The following SORCS2 variants were observed in gnomAD, a reference collection of about 807,000 sequenced individuals.
The protein encoded by SORCS2 is sortilin related VPS10 domain containing receptor 2.
Under a neutral mutation model 141.6 loss-of-function variants are expected in SORCS2, and 100 were observed. The ratio of observed to expected loss-of-function variants is 0.71; its 90% CI spans 0.60 to 0.83. SORCS2 has a LOEUF of 0.83. Ranked by LOEUF, SORCS2 falls within the 40% of genes least tolerant of loss-of-function variation. The pLI is 0.00. For synonymous variants in SORCS2, 789 were observed against 676.9 expected, an observed-to-expected ratio of 1.17 and a Z score of -2.57; for missense variants, 1,646 against 1,560.2, an observed-to-expected ratio of 1.05 and a Z score of -0.93.
At chr4:7,359,567 C>G (rs975886713) in intron 1 of SORCS2, among the ~76,000 whole-genome samples, 3 of 152,350 alleles carry the variant, frequency 2.0e-5, no homozygotes, top group African/African-American at 7.2e-5. Context: ...TGTCTGCACC[C>G]CGCATCCAGA....
At chr4:7,477,369 TGGCTGACC>T (rs1730365529) in intron 2 of SORCS2, among the ~76,000 whole-genome samples, 6 of 135,126 alleles carry the variant, frequency 4.4e-5, no homozygotes, top group African/African-American at 1.3e-4. Flanking sequence ...GGGCTGACCG[TGGCTGACC>T]GTGGCTGATT....
intron 2 of SORCS2, among the ~76,000 whole-genome samples, chr4:7,506,227 C>A (rs1478055641): frequency 6.9e-6 from 1 of 145,820 alleles, no homozygotes; most frequent in Non-Finnish European, 1.5e-5. Context: ...TCTGAGCGGG[C>A]CTCCTCTGCC....
intron 3 of SORCS2, among the ~76,000 whole-genome samples, chr4:7,544,059 CCCATCCAT>C (rs1422369370): frequency 9.1e-6 from 1 of 110,390 alleles, no homozygotes; most frequent in Non-Finnish European, 2.0e-5. Flanking sequence ...CAGCCACCCA[CCCATCCAT>C]CCACCCATCC....
chr4:7,654,527 C>A (rs1033419053), intron 5 of SORCS2, among the ~76,000 whole-genome samples: 5 of 152,204 alleles, frequency 3.3e-5, no homozygotes, highest in Admixed American at 3.3e-4. Context: ...CCTCCCCGAG[C>A]CTCACAGCAT....
chr4:7,622,424 C>G (rs1719255571), intron 3 of SORCS2, among the ~76,000 whole-genome samples: 1 of 152,176 alleles, frequency 6.6e-6, no homozygotes. Context: ...AGCCTCTTGC[C>G]ACTGGAGGTA....
At chr4:7,223,942 C>A (rs1728860103) in intron 1 of SORCS2, among the ~76,000 whole-genome samples, 1 of 152,222 alleles carries the variant, frequency 6.6e-6, no homozygotes, top group Non-Finnish European at 1.5e-5. Flanking sequence ...AGAGGGATGA[C>A]TGATACCTAC....
chr4:7,648,872 G>C lies in SORCS2; in HGVS notation c.814-5262G>C, dbSNP rs796727430. 1.1e-4 allele frequency among the ~76,000 whole-genome samples: 17 copies of C among 152,290 alleles called. No individual in the cohort carries two copies. Among genetic ancestry groups the C allele is most frequent in the African/African-American group, 4.1e-4 (17 of 41,558 alleles). Reference sequence around the variant, plus strand: ...GCCTAGGGAGCAATGGGAGTGGACTGAGTGACACAGGATGTCCTGGATCTG... The same window carrying C: ...GCCTAGGGAGCAATGGGAGTGGACTCAGTGACACAGGATGTCCTGGATCTG... On this transcript the variant is annotated intron_variant, in intron 4 of 26. Transcript: ENST00000507866. The surrounding 1 kb of genome is among the most constrained non-coding windows in gnomAD (Gnocchi z 4.2).
intron 1 of SORCS2, among the ~76,000 whole-genome samples, chr4:7,394,139 G>A (rs1039424789): frequency 1.3e-5 from 2 of 152,206 alleles, no homozygotes; most frequent in African/African-American, 4.8e-5. Context: ...AGACAGAGTG[G>A]AAGGGGGTCC....
intron 25 of SORCS2, chr4:7,735,438 C>A: frequency 6.5e-6 from 1 of 154,550 alleles, no homozygotes; most frequent in Non-Finnish European, 1.5e-5. Context: ...GGCCCAGGCT[C>A]TGGGACACAG....
chr4:7,647,991 T>C (rs1334230430), intron 4 of SORCS2, among the ~76,000 whole-genome samples: 1 of 152,064 alleles, frequency 6.6e-6, no homozygotes, highest in Non-Finnish European at 1.5e-5. Flanking sequence ...ATCGCTGAAG[T>C]TTCCGAGATG....
At position 7,714,329 on chromosome 4, in the gene SORCS2, G is replaced by A. The variant is rs759040378; in HGVS notation, c.2079G>A (p.Ala693=). The A allele has an allele frequency of 1.1e-4, 166 of 1,579,600 alleles. No individual in the cohort carries two copies. Among genetic ancestry groups the A allele is most frequent in the Non-Finnish European group, 1.3e-4 (154 of 1,162,546 alleles). The part of the protein sequence containing the change: ...WCIKGRSFTS[A]LTSRVCECRD... ...TCAAGGGGAGGAGCTTCACGTCGGC[G>A]CTCACGTCCCGCGTGTGCGAGTGCC... The change falls in exon 16 of 27, where the codon GCG becomes GCA. Residue 693 remains alanine (A), a synonymous_variant. Transcript: ENST00000507866.
chr4:7,222,204 G>GC (rs1199714908), intron 1 of SORCS2, among the ~76,000 whole-genome samples: 4 of 152,192 alleles, frequency 2.6e-5, no homozygotes, highest in Admixed American at 2.6e-4. Context: ...CTCTGCTGCA[G>GC]CAAGATTCAT....
Position 7,651,766 on chromosome 4 carries a change from C to A in SORCS2, c.814-2368C>A, listed in dbSNP as rs1435873464. ...CCCAACCCAGAACAGAGGGCCTTGACCCCCGCAGGGCCTGCATTCCAAGGG... is the reference window on the plus strand; with the variant it reads ...CCCAACCCAGAACAGAGGGCCTTGAACCCCGCAGGGCCTGCATTCCAAGGG... On this transcript the variant is annotated intron_variant, in intron 4 of 26. Coordinates refer to ENST00000507866, the MANE Select transcript of SORCS2 (RefSeq NM_020777.3). Among the ~76,000 whole-genome samples, 8 of 152,326 alleles carry A rather than the reference C, an allele frequency of 5.3e-5. No homozygotes were observed. In the East Asian group the frequency reaches 1.4e-3, roughly 26 times the overall value.
At chr4:7,309,871 G>A (rs2108918577) in intron 1 of SORCS2, among the ~76,000 whole-genome samples, 1 of 152,336 alleles carries the variant, frequency 6.6e-6, no homozygotes, top group East Asian at 1.9e-4. Context: ...GTAGGTGGCA[G>A]CTGGATGTTC....
intron 3 of SORCS2, among the ~76,000 whole-genome samples, chr4:7,570,076 A>T (rs1409725157): frequency 6.6e-6 from 1 of 152,128 alleles, no homozygotes; most frequent in African/African-American, 2.4e-5. Flanking sequence ...CATAAATCGG[A>T]TCCTGGCTCT....
At position 7,474,095 on chromosome 4, in the gene SORCS2, T is replaced by C. The variant is rs111800766; in HGVS notation, c.549-57435T>C. Among the ~76,000 whole-genome samples the C allele has an allele frequency of 8.8e-3, 1,340 of 151,690 alleles. 16 individuals are homozygous for C. The highest frequency in any genetic ancestry group is 0.031 in the African/African-American group (1,282 of 40,954). On this transcript the variant is annotated intron_variant, in intron 2 of 26. Transcript: ENST00000507866. ...TGGCCTCCCCCTCAGAGCTGGGGAC[T>C]CTGTGGTTGTCTTTGCTCACCCCCG...
chr4:7,496,752 G>A lies in SORCS2; in HGVS notation c.549-34778G>A, dbSNP rs553232932. 1.8e-4 allele frequency among the ~76,000 whole-genome samples: 28 copies of A among 152,242 alleles called. No homozygotes were observed. In the East Asian group the frequency reaches 5.0e-3, roughly 27 times the overall value. ...GCGAGGCGTGGGTGGGAAAGTCCAC[G>A]GCGGAATCCAAGGCGCCTTCACCAG... On this transcript the variant is annotated intron_variant, in intron 2 of 26. Coordinates refer to ENST00000507866, the MANE Select transcript of SORCS2 (RefSeq NM_020777.3).
In SORCS2 at chr4:7,572,752, CA is replaced by C. The variant is rs1393196325; in HGVS notation, c.648+41125del. Reference sequence around the variant, plus strand: ...TGCTACAGCTCCATCAATTGTCAATCAATTTTCTTGCAAACTCACTGAAAGG... The same window carrying C: ...TGCTACAGCTCCATCAATTGTCAATCATTTTCTTGCAAACTCACTGAAAGG... On this transcript the variant is annotated intron_variant, in intron 3 of 26. Transcript: ENST00000507866. 1.8e-4 allele frequency among the ~76,000 whole-genome samples: 28 copies of C among 152,296 alleles called. 1 individual carries two copies. Among genetic ancestry groups the C allele is most frequent in the African/African-American group, 6.3e-4 (26 of 41,558 alleles).
intron 1 of SORCS2, among the ~76,000 whole-genome samples, chr4:7,308,448 C>T (rs1717974077): frequency 6.6e-6 from 1 of 152,170 alleles, no homozygotes; most frequent in Non-Finnish European, 1.5e-5. Context: ...TTGGGGTGGA[C>T]ACCTGCTCTT....
Sources: allele counts gnomAD v4.1 joint callset (sites outside exome capture counted in the v4.1 genomes callset), GRCh38; gene constraint gnomAD v4.1.1; non-coding constraint Gnocchi (gnomAD v3.1); transcripts MANE v1.5; gene names NCBI Gene and HGNC (gene_info 2026-07-23, HGNC 2026-07-21).